The following KSR2 variants were observed in gnomAD, a reference collection of about 807,000 sequenced individuals.
The protein encoded by KSR2 is kinase suppressor of ras 2.
Under a neutral mutation model 107.8 loss-of-function variants are expected in KSR2, and 25 were observed. The ratio of observed to expected loss-of-function variants is 0.23; its 90% CI spans 0.17 to 0.32. The LOEUF (loss-of-function observed/expected upper bound fraction) is 0.32, where lower values mean the gene tolerates loss of function less well. KSR2 is among the 10% of genes least tolerant of loss of function. KSR2 has a pLI of 1.00. For synonymous variants in KSR2, 480 were observed against 507.0 expected (o/e 0.95, Z 0.71); for missense variants, 887 against 1,268.9 (o/e 0.70, Z 4.57).
At chr12:117,716,272 T>G (rs1260078580) in intron 4 of KSR2, among the ~76,000 whole-genome samples, 1 of 152,220 alleles carries the variant, frequency 6.6e-6, no homozygotes, top group African/African-American at 2.4e-5. Context: ...TTGAACTAAA[T>G]GAATGAATTG....
intron 1 of KSR2, among the ~76,000 whole-genome samples, chr12:117,918,515 G>A (rs371218488): frequency 5.0e-4 from 76 of 152,088 alleles, no homozygotes; most frequent in Admixed American, 3.6e-3. Flanking sequence ...TTGGCCAGGC[G>A]CGGTGGCTCA....
chr12:117,729,606 T>C (rs543514136), intron 4 of KSR2, among the ~76,000 whole-genome samples: 1 of 152,236 alleles, frequency 6.6e-6, no homozygotes, highest in East Asian at 1.9e-4. Flanking sequence ...CACTCCGTAA[T>C]GGGGAGAGCA....
At chr12:117,799,977 G>A (rs111677290) in intron 3 of KSR2, among the ~76,000 whole-genome samples, 1,569 of 152,316 alleles carry the variant, frequency 0.01, 27 homozygotes, top group African/African-American at 0.036. Flanking sequence ...GAGGCTGGAC[G>A]CCTGCAAGAT....
At position 117,524,999 on chromosome 12, in the gene KSR2, A is replaced by C; in HGVS notation, c.2072T>G (p.Ile691Ser). 2 of 1,613,912 alleles carry C rather than the reference A, an allele frequency of 1.2e-6. No homozygotes were observed. Among genetic ancestry groups the C allele is most frequent in the Non-Finnish European group, 8.5e-7 (1 of 1,179,884 alleles). Residue 691 changes from isoleucine to serine, a missense_variant, in exon 14 of 20, where the codon ATC becomes AGC. Physicochemically the swap from Ile to Ser is moderately radical, Grantham distance 142 (BLOSUM62 -2). Transcript: ENST00000339824. ...GTCCCTCTCAATGTCAATCAGCCGG[A>C]TGGCCACCTCGCCATGCCAGCGGCC... ...YHGRWHGEVA[I>S]RLIDIERDNE...
chr12:117,801,797 G>A lies in KSR2; in HGVS notation c.473-40273C>T, dbSNP rs138625640. Reference sequence around the variant, plus strand: ...GACACAGACCCAAACCATATCAGATGGAGAAGGGGCCAGGGAGGTCCAGGG... The same window carrying A: ...GACACAGACCCAAACCATATCAGATAGAGAAGGGGCCAGGGAGGTCCAGGG... On this transcript the variant is annotated intron_variant, in intron 3 of 19. Coordinates refer to ENST00000339824, the MANE Select transcript of KSR2 (RefSeq NM_173598.6). Among the ~76,000 whole-genome samples the A allele has an allele frequency of 4.7e-5, 7 of 150,270 alleles. No homozygotes were observed. In the East Asian group the frequency reaches 1.4e-3, roughly 30 times the overall value.
intron 3 of KSR2, among the ~76,000 whole-genome samples, chr12:117,763,157 T>C (rs955281207): frequency 8.6e-5 from 13 of 151,910 alleles, no homozygotes; most frequent in Admixed American, 1.3e-4. Context: ...TTTTTGTCCT[T>C]GCGATAGTTT....
chr12:117,932,722 A>C (rs1321190892), intron 1 of KSR2, among the ~76,000 whole-genome samples: 1 of 152,092 alleles, frequency 6.6e-6, no homozygotes, highest in African/African-American at 2.4e-5. Context: ...ATCCTGTCTC[A>C]AATAAATAGG....
chr12:117,557,360 CT>C (rs748239752), intron 8 of KSR2, among the ~76,000 whole-genome samples: 1 of 152,132 alleles, frequency 6.6e-6, no homozygotes, highest in African/African-American at 2.4e-5. Context: ...AGGACATCTA[CT>C]TGGCCCTCAT....
rs547088001 is a variant in KSR2 at position 117,968,061 on chromosome 12, G to A, written c.180+15C>T. The A allele has an allele frequency of 1.4e-5, 11 of 788,886 alleles. No individual in the cohort carries two copies. The highest frequency in any genetic ancestry group is 2.2e-5 in the Non-Finnish European group (11 of 500,294). 48.9% of individuals were successfully genotyped at this position (788,886 alleles called of 1,614,324 possible). On this transcript the variant is annotated intron_variant, in intron 1 of 19. Coordinates refer to ENST00000339824, the MANE Select transcript of KSR2 (RefSeq NM_173598.6). ...TTTTTTTTTTTTTTTTTTTTTTCCC[G>A]TAGGCAACACCTACCTCCAGGGTCC...
At chr12:117,928,737 A>C (rs1244426146) in intron 1 of KSR2, among the ~76,000 whole-genome samples, 1 of 152,084 alleles carries the variant, frequency 6.6e-6, no homozygotes, top group Non-Finnish European at 1.5e-5. Flanking sequence ...TTTTTGAAGA[A>C]CCTCCTTATA....
intron 1 of KSR2, among the ~76,000 whole-genome samples, chr12:117,962,128 G>C (rs1011867528): frequency 7.5e-6 from 1 of 134,150 alleles, no homozygotes; most frequent in African/African-American, 2.8e-5. Flanking sequence ...CTGGGTGACA[G>C]AGCAAGACCC....
At chr12:117,966,842 A>G (rs77792644) in intron 1 of KSR2, among the ~76,000 whole-genome samples, 12,168 of 152,104 alleles carry the variant, frequency 0.08, 605 homozygotes, top group Admixed American at 0.12. Flanking sequence ...GGGCCACAAG[A>G]TTCACTACGG....
intron 1 of KSR2, among the ~76,000 whole-genome samples, chr12:117,868,968 G>A (rs962937333): frequency 6.6e-6 from 1 of 151,910 alleles, no homozygotes; most frequent in African/African-American, 2.4e-5. Flanking sequence ...GACCAGGTTG[G>A]TCTCGAACTC....
At chr12:117,650,544 T>C (rs1423680972) in intron 5 of KSR2, among the ~76,000 whole-genome samples, 3 of 152,184 alleles carry the variant, frequency 2.0e-5, no homozygotes, top group Non-Finnish European at 2.9e-5. Flanking sequence ...TTAATATGAT[T>C]AGACCCAAAA....
At chr12:117,849,216 G>A (rs1427498040) in intron 3 of KSR2, among the ~76,000 whole-genome samples, 1 of 152,072 alleles carries the variant, frequency 6.6e-6, no homozygotes, top group Non-Finnish European at 1.5e-5. Context: ...TTAGCCTGCT[G>A]CACGTCTTCT....
intron 14 of KSR2, among the ~76,000 whole-genome samples, chr12:117,515,333 C>T (rs1468885161): frequency 6.6e-6 from 1 of 152,184 alleles, no homozygotes; most frequent in African/African-American, 2.4e-5. Context: ...CTACTCATTT[C>T]CCAGTGATTC....
intron 1 of KSR2, among the ~76,000 whole-genome samples, chr12:117,861,960 T>G (rs1893311967): frequency 6.6e-6 from 1 of 152,180 alleles, no homozygotes; most frequent in Non-Finnish European, 1.5e-5. Flanking sequence ...AGAAAACAAT[T>G]TGGAAGAATA....
intron 10 of KSR2, among the ~76,000 whole-genome samples, chr12:117,534,428 C>T (rs566948878): frequency 2.0e-4 from 30 of 152,144 alleles, no homozygotes; most frequent in Non-Finnish European, 4.4e-4. Context: ...GACCCTCCAA[C>T]CTAAATCTGT....
rs527546008 is a variant in KSR2 at position 117,488,457 on chromosome 12, A to G, written c.2220-2766T>C. On this transcript the variant is annotated intron_variant, in intron 14 of 19. Transcript: ENST00000339824. Reference sequence around the variant, plus strand: ...TCCGTATGTTGAAATCCTAATCCCAACGTGATGGTATTAGGAGGTGAGGCT... The same window carrying G: ...TCCGTATGTTGAAATCCTAATCCCAGCGTGATGGTATTAGGAGGTGAGGCT... Among the ~76,000 whole-genome samples, 148 of 152,206 alleles carry G rather than the reference A, an allele frequency of 9.7e-4. 1 individual carries two copies. Among genetic ancestry groups the G allele is most frequent in the African/African-American group, 3.4e-3 (143 of 41,532 alleles).
Sources: gnomAD v4.1 joint callset for allele counts (sites outside exome capture counted in the v4.1 genomes callset) on GRCh38, gnomAD v4.1.1 for gene constraint, MANE v1.5 for transcripts, NCBI Gene and HGNC (gene_info 2026-07-23, HGNC 2026-07-21) for gene names.